The following LRRC49 variants were observed in gnomAD, a reference collection of about 807,000 sequenced individuals.
LRRC49 encodes the protein leucine rich repeat containing 49.
Under a neutral mutation model 83.3 loss-of-function variants are expected in LRRC49, and 50 were observed. The observed-to-expected ratio is 0.60, with a 90% CI of 0.48 to 0.76. LRRC49 has a LOEUF of 0.76. Among genes scored for constraint, LRRC49 ranks in the 30% least tolerant of loss-of-function variants. LRRC49 has a pLI of 0.00. For synonymous variants in LRRC49, 286 were observed against 283.3 expected (o/e 1.01, Z -0.10); for missense variants, 704 against 809.1 (o/e 0.87, Z 1.58).
At chr15:70,891,752 G>A, upstream of LRRC49, 3 of 1,193,100 alleles carry the variant, frequency 2.5e-6, no homozygotes, top group Middle Eastern at 2.9e-4. Context: ...AGGAACTTTC[G>A]AGATGAGGTG....
chr15:70,876,087 A>T (rs2033146293), intron 2 of LRRC49, among the ~76,000 whole-genome samples: 1 of 152,158 alleles, frequency 6.6e-6, no homozygotes, highest in South Asian at 2.1e-4. Context: ...TTTGCCAGGT[A>T]AATAATGAAG....
At chr15:70,900,660 A>G in intron 3 of LRRC49, 1 of 482,298 alleles carries the variant, frequency 2.1e-6, no homozygotes, top group South Asian at 1.7e-5. Context: ...GGATGAAGAT[A>G]GCACTGGACT....
chr15:70,906,528 A>C (rs2034321632), intron 5 of LRRC49, among the ~76,000 whole-genome samples: 1 of 152,170 alleles, frequency 6.6e-6, no homozygotes, highest in Non-Finnish European at 1.5e-5. Flanking sequence ...TGATATTTAA[A>C]ATCACTTTCT....
chr15:70,942,033 A>ATTTGTGTGTGTGTGTGTGTGTGTG (rs1340541101), intron 8 of LRRC49, among the ~76,000 whole-genome samples: 1 of 144,088 alleles, frequency 6.9e-6, no homozygotes, highest in African/African-American at 2.6e-5. Context: ...TGTAAAGGTT[A>ATTTGTGTGTGTGTGTGTGTGTGTG]TGTGTGTGTG....
chr15:70,962,594 A>G (rs1596072209), intron 8 of LRRC49, among the ~76,000 whole-genome samples: 3 of 152,122 alleles, frequency 2.0e-5, no homozygotes, highest in Admixed American at 2.0e-4. Flanking sequence ...TAGTGCCAGA[A>G]AGTAAGAAAG....
rs1321167542 is a variant in LRRC49 at position 71,050,399 on chromosome 15, A to G, written c.*787A>G. On this transcript the variant is annotated 3_prime_UTR_variant, in exon 16 of 16. Coordinates refer to ENST00000260382, the MANE Select transcript of LRRC49 (RefSeq NM_017691.5). ...TCAAATGCTCTTTTAATAGACATGC[A>G]TGTGTACCTGTGTCTCAGAAGTATT... The G allele has an allele frequency of 2.0e-5, 3 of 152,218 alleles. No homozygotes were observed. The highest frequency in any genetic ancestry group is 2.9e-5 in the Non-Finnish European group (2 of 68,036). 9.4% of individuals were successfully genotyped at this position (152,218 alleles called of 1,614,324 possible).
chr15:70,878,111 T>G (rs781121173), intron 2 of LRRC49, among the ~76,000 whole-genome samples: 4 of 152,162 alleles, frequency 2.6e-5, no homozygotes, highest in African/African-American at 4.8e-5. Context: ...ATCACGCCAC[T>G]GCACTCCAGC....
At chr15:70,917,757 G>A (rs2034843472) in intron 6 of LRRC49, among the ~76,000 whole-genome samples, 1 of 152,178 alleles carries the variant, frequency 6.6e-6, no homozygotes, top group African/African-American at 2.4e-5. Context: ...TATCACTTAA[G>A]AAGCTCCTCT....
At chr15:70,919,342 T>C (rs776384679) in intron 7 of LRRC49, 149 bp downstream of exon 7, 8 of 693,950 alleles carry the variant, frequency 1.2e-5, no homozygotes, top group Non-Finnish European at 1.8e-5. Flanking sequence ...TATTAAGCTC[T>C]GTAATATGTT....
intron 2 of LRRC49, among the ~76,000 whole-genome samples, chr15:70,874,580 T>C (rs781402754): frequency 1.3e-5 from 2 of 152,228 alleles, no homozygotes; most frequent in Non-Finnish European, 2.9e-5. Flanking sequence ...GAAAATTCAA[T>C]CTCAGCTCTG....
At chr15:70,968,770 T>TTTG (rs1253450029) in intron 9 of LRRC49, among the ~76,000 whole-genome samples, 3 of 152,230 alleles carry the variant, frequency 2.0e-5, no homozygotes, top group African/African-American at 7.2e-5. Context: ...GATGGCTACA[T>TTTG]AAATGTCTTC....
intron 4 of LRRC49, among the ~76,000 whole-genome samples, chr15:70,902,878 C>A (rs1471057497): frequency 6.6e-6 from 1 of 152,100 alleles, no homozygotes; most frequent in African/African-American, 2.4e-5. Context: ...GGCAGTGGGT[C>A]TCTAGTTATT....
At chr15:70,855,695 G>A (rs540074711) in intron 1 of LRRC49, among the ~76,000 whole-genome samples, 107 of 152,246 alleles carry the variant, frequency 7.0e-4, no homozygotes, top group Middle Eastern at 6.8e-3. Flanking sequence ...TTTCTTTGTC[G>A]GACCTCTGTT....
intron 5 of LRRC49, among the ~76,000 whole-genome samples, chr15:70,911,134 G>A (rs750033549): frequency 6.6e-6 from 1 of 152,208 alleles, no homozygotes; most frequent in African/African-American, 2.4e-5. Context: ...GAATGCCTCT[G>A]TGGCTGGAGC....
intron 5 of LRRC49, among the ~76,000 whole-genome samples, chr15:70,907,121 A>T (rs2034346653): frequency 6.6e-6 from 1 of 152,244 alleles, no homozygotes; most frequent in African/African-American, 2.4e-5. Context: ...CTTTGTGAAC[A>T]TTAAGCAAAC....
intron 14 of LRRC49, among the ~76,000 whole-genome samples, chr15:71,023,862 T>G (rs1022438869): frequency 6.6e-6 from 1 of 152,204 alleles, no homozygotes; most frequent in African/African-American, 2.4e-5. Context: ...GCCTGCTGCC[T>G]AAGACAACTG....
At chr15:70,863,791 A>G (rs1429348682) in intron 1 of LRRC49, among the ~76,000 whole-genome samples, 1 of 152,234 alleles carries the variant, frequency 6.6e-6, no homozygotes, top group Admixed American at 6.5e-5. Context: ...GGGGGACTGT[A>G]CATGAAAACT....
At chr15:70,928,739 ATTT>A in intron 7 of LRRC49, among the ~76,000 whole-genome samples, 1 of 152,000 alleles carries the variant, frequency 6.6e-6, no homozygotes, top group South Asian at 2.1e-4. Flanking sequence ...CTAATTTTGT[ATTT>A]TTAGTAGAAA....
chr15:71,047,193 A>T (rs2039878479), intron 15 of LRRC49, among the ~76,000 whole-genome samples: 1 of 152,038 alleles, frequency 6.6e-6, no homozygotes, highest in African/African-American at 2.4e-5. Flanking sequence ...TTCCATATGA[A>T]TTTTAGAATT....
Sources: gnomAD v4.1 joint callset for allele counts (sites outside exome capture counted in the v4.1 genomes callset) on GRCh38, gnomAD v4.1.1 for gene constraint, MANE v1.5 for transcripts, NCBI Gene and HGNC (gene_info 2026-07-23, HGNC 2026-07-21) for gene names.